MGAT5: variants seen among roughly 807,000 people sequenced by gnomAD.
MGAT5 encodes alpha-1,6-mannosylglycoprotein 6-beta-N-acetylglucosaminyltransferase A.
Under a neutral mutation model 94.3 loss-of-function variants are expected in MGAT5, and 30 were observed. That is an observed-to-expected ratio of 0.32 (90% CI 0.24 to 0.43). The LOEUF is 0.43. Among genes scored for constraint, MGAT5 ranks in the 20% least tolerant of loss-of-function variants. The pLI is 1.00. For missense variants in MGAT5, 691 were observed against 905.5 expected (o/e 0.76, Z 3.04); for synonymous variants, 310 against 322.9 (o/e 0.96, Z 0.43).
chr2:134,141,386 T>C (rs73005579), intron 1 of MGAT5, among the ~76,000 whole-genome samples: 2,330 of 152,250 alleles, frequency 0.015, 77 homozygotes, highest in African/African-American at 0.053. Flanking sequence ...GTCTGTCTTA[T>C]TAGCTATTAT....
chr2:134,357,279 T>TA (rs1349906337), intron 9 of MGAT5, among the ~76,000 whole-genome samples: 4 of 152,344 alleles, frequency 2.6e-5, no homozygotes, highest in Non-Finnish European at 4.4e-5. Context: ...CCAGGGAACT[T>TA]ACTCACATTT....
chr2:134,320,604 T>C (rs139592915), intron 4 of MGAT5, among the ~76,000 whole-genome samples: 34 of 152,266 alleles, frequency 2.2e-4, no homozygotes, highest in African/African-American at 7.7e-4. Context: ...CCCTTTCTTT[T>C]TATTCTGTCC....
intron 1 of MGAT5, among the ~76,000 whole-genome samples, chr2:134,256,267 T>C (rs866913934): frequency 6.6e-6 from 1 of 152,228 alleles, no homozygotes; most frequent in Non-Finnish European, 1.5e-5. Context: ...CAGAGTAGTT[T>C]AGATAAACCA....
intron 1 of MGAT5, among the ~76,000 whole-genome samples, chr2:134,202,768 T>C (rs1169391032): frequency 6.6e-6 from 1 of 152,242 alleles, no homozygotes; most frequent in Non-Finnish European, 1.5e-5. Flanking sequence ...TTAACCACTA[T>C]TTTCTAATGC....
At chr2:134,347,202 T>C (rs1159106850) in intron 8 of MGAT5, among the ~76,000 whole-genome samples, 1 of 152,230 alleles carries the variant, frequency 6.6e-6, no homozygotes, top group Admixed American at 6.5e-5. Flanking sequence ...TTCCATGTCA[T>C]AGACCAAGTC....
At chr2:134,216,420 G>T (rs1680501876) in intron 1 of MGAT5, among the ~76,000 whole-genome samples, 1 of 152,086 alleles carries the variant, frequency 6.6e-6, no homozygotes, top group African/African-American at 2.4e-5. Context: ...GAAGAATGAA[G>T]GTGAAGTAGT....
At chr2:134,136,265 A>G (rs1032887494) in intron 1 of MGAT5, among the ~76,000 whole-genome samples, 1 of 151,862 alleles carries the variant, frequency 6.6e-6, no homozygotes, top group Non-Finnish European at 1.5e-5. Context: ...GCCATTTACC[A>G]ATTAAAAAAA....
intron 11 of MGAT5, among the ~76,000 whole-genome samples, chr2:134,406,549 C>T (rs1327704953): frequency 6.6e-6 from 1 of 152,182 alleles, no homozygotes; most frequent in Non-Finnish European, 1.5e-5. Flanking sequence ...CCCCCACCAA[C>T]TATGTCTCTT....
chr2:134,228,984 T>C (rs1422430268), intron 1 of MGAT5, among the ~76,000 whole-genome samples: 1 of 152,200 alleles, frequency 6.6e-6, no homozygotes, highest in Non-Finnish European at 1.5e-5. Context: ...ATCTGGCCTT[T>C]CTGTATGATC....
chr2:134,295,038 T>C (rs139077360), intron 2 of MGAT5, among the ~76,000 whole-genome samples: 114 of 152,314 alleles, frequency 7.5e-4, no homozygotes, highest in African/African-American at 2.7e-3. Flanking sequence ...TGCTGGCAAG[T>C]GTACCCTTTC....
At chr2:134,204,605 G>GC (rs1679945444) in intron 1 of MGAT5, among the ~76,000 whole-genome samples, 1 of 152,024 alleles carries the variant, frequency 6.6e-6, no homozygotes, top group Non-Finnish European at 1.5e-5. Context: ...AGAATGAAGG[G>GC]CAGTACCCCA....
At chr2:134,169,895 T>TA (rs1287044155) in intron 1 of MGAT5, among the ~76,000 whole-genome samples, 1 of 152,172 alleles carries the variant, frequency 6.6e-6, no homozygotes, top group African/African-American at 2.4e-5. Context: ...ATTCTTAAGG[T>TA]AAAATCGAGA....
At chr2:134,429,302 T>A (rs1182385031) in intron 14 of MGAT5, among the ~76,000 whole-genome samples, 1 of 152,230 alleles carries the variant, frequency 6.6e-6, no homozygotes, top group East Asian at 1.9e-4. Flanking sequence ...AGACTGAAAC[T>A]GTGGCGAGCA....
intron 2 of MGAT5, among the ~76,000 whole-genome samples, chr2:134,293,274 A>G (rs949720822): frequency 2.0e-5 from 3 of 152,200 alleles, no homozygotes; most frequent in Admixed American, 6.5e-5. Context: ...ATCAGTGGGT[A>G]CTTGTTTCCA....
chr2:134,335,053 G>A (rs1033975005), intron 4 of MGAT5, among the ~76,000 whole-genome samples: 1 of 152,112 alleles, frequency 6.6e-6, no homozygotes, highest in Non-Finnish European at 1.5e-5. Flanking sequence ...AGTGGCAGAT[G>A]GCTTTATGCA....
upstream of MGAT5, among the ~76,000 whole-genome samples, chr2:134,253,433 G>A (rs186026615): frequency 1.6e-4 from 24 of 152,276 alleles, no homozygotes; most frequent in African/African-American, 5.3e-4. Context: ...GAGAAGAGTG[G>A]CCTGGTCTGT....
Position 134,143,748 on chromosome 2 carries a change from A to G in MGAT5, c.-143+23457A>G, listed in dbSNP as rs548733149. 9.5e-4 allele frequency among the ~76,000 whole-genome samples: 144 copies of G among 152,240 alleles called. 1 individual carries two copies. Among genetic ancestry groups the G allele is most frequent in the South Asian group, 5.4e-3 (26 of 4,834 alleles). ...AGACCTGTGGAAGAGGAGGGTGTGC[A>G]GTAACCTGGTAACAATGTTTATGTG... is the stretch of plus-strand genomic sequence containing the variant. On this transcript the variant is annotated intron_variant, in intron 1 of 16. Transcript: ENST00000409645.
At position 134,428,369 on chromosome 2, in the gene MGAT5, A is replaced by G; in HGVS notation, c.1799A>G (p.Glu600Gly). ...TATCATGCTCTGTTTCCACAGATTG[A>G]GCCATACATGCCATATGAATTTACG... ...AVKAILNQKI[E>G]PYMPYEFTCE... The change falls in exon 14 of 16, where the codon GAG becomes GGG. Residue 600 changes from glutamate to glycine, a missense_variant. This residue lies in a region of MGAT5 where 260 missense variants were observed against 347.0 expected (regional missense o/e 0.75). Coordinates refer to ENST00000281923, the MANE Select transcript of MGAT5 (RefSeq NM_002410.5). 1.2e-6 allele frequency: 2 copies of G among 1,613,990 alleles called. No homozygotes were observed. Among genetic ancestry groups the G allele is most frequent in the Non-Finnish European group, 1.7e-6 (2 of 1,179,896 alleles).
chr2:134,213,736 A>G (rs1481986195), intron 1 of MGAT5, among the ~76,000 whole-genome samples: 1 of 152,250 alleles, frequency 6.6e-6, no homozygotes, highest in Non-Finnish European at 1.5e-5. Context: ...ATTACCAAGG[A>G]TACAAATGTT....
Sources: allele counts gnomAD v4.1 joint callset (sites outside exome capture counted in the v4.1 genomes callset), GRCh38; gene constraint gnomAD v4.1.1; regional missense constraint gnomAD v4.1.1; transcripts MANE v1.5; gene names NCBI Gene and HGNC (gene_info 2026-07-23, HGNC 2026-07-21).